USP37: variants seen among roughly 807,000 people sequenced by gnomAD.
The protein encoded by USP37 is ubiquitin specific peptidase 37.
USP37 carries 27 observed loss-of-function variants against 124.0 expected under a neutral mutation model. The observed-to-expected ratio is 0.22, with a 90% CI of 0.16 to 0.30. The LOEUF (loss-of-function observed/expected upper bound fraction) is 0.30, where lower values mean the gene tolerates loss of function less well. USP37 is among the 10% of genes least tolerant of loss of function. USP37 has a pLI of 1.00. For synonymous variants in USP37, 365 were observed against 388.0 expected (o/e 0.94, Z 0.70); for missense variants, 889 against 1,140.4 (o/e 0.78, Z 3.17).
In USP37 at chr2:218,464,938, G is replaced by A. The variant is rs543628080; in HGVS notation, c.2466+1072C>T. On this transcript the variant is annotated intron_variant, in intron 21 of 25. Coordinates refer to ENST00000258399, the MANE Select transcript of USP37 (RefSeq NM_020935.3). ...TTTACTAAAAATAAAAAAATGAGCC[G>A]GGCATGGTGGATGCTCCTGTGGTCC... Among the ~76,000 whole-genome samples the A allele has an allele frequency of 4.6e-5, 7 of 151,718 alleles. No individual in the cohort carries two copies. In the South Asian group the frequency reaches 8.3e-4, roughly 18 times the overall value.
At chr2:218,561,408 A>G (rs1693302547) in intron 2 of USP37, among the ~76,000 whole-genome samples, 1 of 152,186 alleles carries the variant, frequency 6.6e-6, no homozygotes. Flanking sequence ...CTGTAATCCC[A>G]GCACTTTGCG....
chr2:218,539,551 C>A (rs1343270223), intron 8 of USP37, among the ~76,000 whole-genome samples: 1 of 151,390 alleles, frequency 6.6e-6, no homozygotes, highest in Non-Finnish European at 1.5e-5. Flanking sequence ...CCCGTCTCTA[C>A]AAAAAATACA....
intron 22 of USP37, among the ~76,000 whole-genome samples, chr2:218,460,873 G>A (rs947826830): frequency 2.0e-4 from 30 of 151,866 alleles, no homozygotes; most frequent in African/African-American, 5.8e-4. Flanking sequence ...CCCGGGAGGC[G>A]GAGGTTGCAG....
intron 2 of USP37, among the ~76,000 whole-genome samples, chr2:218,561,909 C>T (rs1286296297): frequency 6.6e-6 from 1 of 152,136 alleles, no homozygotes; most frequent in Non-Finnish European, 1.5e-5. Context: ...GTTCTCATGC[C>T]ACTATACCTT....
At chr2:218,495,711 C>G in intron 14 of USP37, 49 bp downstream of exon 14, 1 of 1,535,064 alleles carries the variant, frequency 6.5e-7, no homozygotes, top group East Asian at 2.3e-5. Context: ...ATTTTAATCA[C>G]TTGCCATAAA....
At chr2:218,521,585 G>A (rs749601933) in intron 10 of USP37, among the ~76,000 whole-genome samples, 1 of 152,100 alleles carries the variant, frequency 6.6e-6, no homozygotes. Flanking sequence ...GTGAAAACAT[G>A]CAGTGTTTGG....
At chr2:218,534,515 T>A (rs1559213768) in intron 9 of USP37, 94 bp downstream of exon 9, 2 of 611,624 alleles carry the variant, frequency 3.3e-6, no homozygotes, top group African/African-American at 3.9e-5. Context: ...TAAATAAAAA[T>A]AAAAAGAATG....
At chr2:218,523,216 T>C (rs1456389431) in intron 10 of USP37, among the ~76,000 whole-genome samples, 1 of 152,116 alleles carries the variant, frequency 6.6e-6, no homozygotes, top group Non-Finnish European at 1.5e-5. Context: ...TGAGCCAGGA[T>C]TGTGCCACTG....
intron 3 of USP37, among the ~76,000 whole-genome samples, chr2:218,559,467 A>G (rs1163153581): frequency 2.0e-5 from 3 of 152,248 alleles, no homozygotes; most frequent in African/African-American, 7.2e-5. Context: ...TGAGTAAAAA[A>G]TTTTAAAAAT....
At chr2:218,463,157 A>G in intron 22 of USP37, 149 bp downstream of exon 22, 2 of 818,454 alleles carry the variant, frequency 2.4e-6, no homozygotes, top group Non-Finnish European at 3.8e-6. Context: ...ACAGAGTGAG[A>G]GGCTCTCCCC....
intron 14 of USP37, among the ~76,000 whole-genome samples, chr2:218,490,740 T>G (rs1435148986): frequency 6.6e-6 from 1 of 152,216 alleles, no homozygotes; most frequent in Admixed American, 6.5e-5. Flanking sequence ...GTGATAATGA[T>G]GAGCTGTCAC....
At chr2:218,457,360 A>C (rs1435918655) in intron 23 of USP37, among the ~76,000 whole-genome samples, 199 bp from the exon 24 acceptor site, 1 of 152,254 alleles carries the variant, frequency 6.6e-6, no homozygotes, top group African/African-American at 2.4e-5. Context: ...AATAAGTCAA[A>C]AGAAGAGTAT....
In USP37 at chr2:218,489,293, G is replaced by T. The variant is rs547234833; in HGVS notation, c.1473-872C>A. Among the ~76,000 whole-genome samples, 19 of 149,874 alleles carry T rather than the reference G, an allele frequency of 1.3e-4. No individual in the cohort carries two copies. The South Asian group carries it at 2.4e-3, about 19-fold the overall frequency. On this transcript the variant is annotated intron_variant, in intron 14 of 25. Transcript: ENST00000258399. ...GAATCACTTGAACCCAGGAGGCGGAGGTTGCAGTGAGCTGAGATCACGCCA... is the reference window on the plus strand; with the variant it reads ...GAATCACTTGAACCCAGGAGGCGGATGTTGCAGTGAGCTGAGATCACGCCA...
rs1574930284 is a variant in USP37, at chr2:218,528,913, T to C, written c.863+1043A>G. On this transcript the variant is annotated intron_variant, in intron 10 of 25. Coordinates refer to ENST00000258399, the MANE Select transcript of USP37 (RefSeq NM_020935.3). ...CAATTTATTAATAAAAGACATTCAC[T>C]GCTGTAATACAGCTTTTGATTTTTA... 1.0e-5 allele frequency: 4 copies of C among 399,840 alleles called. No individual in the cohort carries two copies. The Admixed American group carries it at 1.3e-4, about 13-fold the overall frequency. The allele number at this position is 399,840 out of a possible 1,614,324, so 24.8% of individuals were successfully genotyped here.
intron 18 of USP37, 22 bp from the exon 19 acceptor site, chr2:218,477,003 A>G (rs764394188): frequency 1.7e-5 from 26 of 1,499,890 alleles, no homozygotes; most frequent in Non-Finnish European, 2.2e-5. Flanking sequence ...GGAAAAAAAA[A>G]AAAGCCTGAT....
intron 23 of USP37, 52 bp downstream of exon 23, chr2:218,459,738 G>C: frequency 1.3e-6 from 2 of 1,509,096 alleles, no homozygotes; most frequent in Non-Finnish European, 1.8e-6. Flanking sequence ...GTAAAGAGTG[G>C]GAAGAGTGAC....
chr2:218,457,058 T>C (rs1328437625), intron 24 of USP37, 34 bp downstream of exon 24: 1 of 1,603,804 alleles, frequency 6.2e-7, no homozygotes. Flanking sequence ...GACTAGTTCA[T>C]TTATAAAATG....
chr2:218,467,027 C>T (rs1372058182), intron 20 of USP37, among the ~76,000 whole-genome samples: 2 of 151,844 alleles, frequency 1.3e-5, no homozygotes, highest in Non-Finnish European at 2.9e-5. Context: ...CACTGTGCCT[C>T]GCCGATTTTC....
At chr2:218,547,583 C>CA (rs58787835) in intron 6 of USP37, among the ~76,000 whole-genome samples, 1,120 of 71,220 alleles carry the variant, frequency 0.016, 9 homozygotes, top group South Asian at 0.045. Flanking sequence ...AATTACTAAC[C>CA]AAAAAAAAAA....
Sources: gnomAD v4.1 joint callset for allele counts (sites outside exome capture counted in the v4.1 genomes callset) on GRCh38, gnomAD v4.1.1 for gene constraint, MANE v1.5 for transcripts, NCBI Gene and HGNC (gene_info 2026-07-23, HGNC 2026-07-21) for gene names.